ZFHX3: variants seen among roughly 807,000 people sequenced by gnomAD.
The protein encoded by ZFHX3 is zinc finger homeobox 3.
ZFHX3 carries 42 observed loss-of-function variants against 279.1 expected under a neutral mutation model. The observed-to-expected ratio is 0.15, with a 90% CI of 0.12 to 0.19. The LOEUF (loss-of-function observed/expected upper bound fraction) is 0.19. Ranked by LOEUF, ZFHX3 falls within the 10% of genes least tolerant of loss-of-function variation. The pLI, the probability that ZFHX3 is intolerant of heterozygous loss-of-function variation, is 1.00. For synonymous variants in ZFHX3, 2,293 were observed against 1,957.8 expected, an observed-to-expected ratio of 1.17 and a Z score of -4.52; for missense variants, 4,981 against 4,754.0, an observed-to-expected ratio of 1.05 and a Z score of -1.40.
intron 2 of ZFHX3, among the ~76,000 whole-genome samples, chr16:73,501,527 G>C (rs2019238597): frequency 6.6e-6 from 1 of 152,040 alleles, no homozygotes; most frequent in Admixed American, 6.6e-5. Flanking sequence ...ATGATTTATG[G>C]GTCACCGTCA....
At position 73,684,324 on chromosome 16, in the gene ZFHX3, ATGTG is replaced by A. The variant is rs1023268876; in HGVS notation, c.-1607-4088_-1607-4085del. 2.7e-5 allele frequency among the ~76,000 whole-genome samples: 4 copies of A among 149,888 alleles called. No individual in the cohort carries two copies. In the South Asian group the frequency reaches 8.5e-4, roughly 32 times the overall value. ...TACTTTGATTATATTTTGATATGGC[ATGTG>A]TGTGTGTTTGTGTGTGTGTGTGTGT... On this transcript the variant is annotated intron_variant, in intron 1 of 17. Coordinates refer to the ZFHX3 transcript ENST00000641206.
intron 8 of ZFHX3, among the ~76,000 whole-genome samples, chr16:73,064,913 G>C (rs1256087358): frequency 6.6e-6 from 1 of 152,232 alleles, no homozygotes; most frequent in South Asian, 2.1e-4. Context: ...TGACCTGGTA[G>C]GTACTAGAAG....
intron 1 of ZFHX3, among the ~76,000 whole-genome samples, chr16:73,002,823 T>C (rs187211554): frequency 4.3e-4 from 65 of 152,316 alleles, no homozygotes; most frequent in African/African-American, 1.4e-3. Flanking sequence ...TTTAAGTGAT[T>C]CTACATTTTT....
At chr16:73,253,260 G>A (rs1326042949) in intron 5 of ZFHX3, among the ~76,000 whole-genome samples, 1 of 152,150 alleles carries the variant, frequency 6.6e-6, no homozygotes, top group African/African-American at 2.4e-5. Flanking sequence ...GAGTTCATGA[G>A]GGAAGGCTAC....
intron 5 of ZFHX3, among the ~76,000 whole-genome samples, chr16:73,223,189 G>C (rs931559427): frequency 2.0e-5 from 3 of 152,004 alleles, no homozygotes; most frequent in African/African-American, 7.2e-5. Context: ...AACCCCAAAA[G>C]CATGGTCCAT....
chr16:73,732,649 C>T (rs1352118995), intron 1 of ZFHX3, among the ~76,000 whole-genome samples: 1 of 152,236 alleles, frequency 6.6e-6, no homozygotes, highest in African/African-American at 2.4e-5. Flanking sequence ...ACAGAATTCA[C>T]AGTTAAATCT....
chr16:73,297,259 T>C (rs1162483597), intron 4 of ZFHX3, among the ~76,000 whole-genome samples: 1 of 151,924 alleles, frequency 6.6e-6, no homozygotes, highest in African/African-American at 2.4e-5. Flanking sequence ...GTTGCCAAGC[T>C]CGCAAGTGGT....
chr16:72,971,091 C>T (rs189688648), intron 1 of ZFHX3, among the ~76,000 whole-genome samples: 2 of 152,272 alleles, frequency 1.3e-5, no homozygotes, highest in East Asian at 1.9e-4. Flanking sequence ...CCTCGGATCA[C>T]GCTGCTGTTT....
rs139699461 is a variant in ZFHX3, at chr16:73,220,354, G to A, written c.-1104+36693C>T. 1.9e-3 allele frequency among the ~76,000 whole-genome samples: 294 copies of A among 151,894 alleles called. 2 individuals are homozygous for A. Among genetic ancestry groups the A allele is most frequent in the African/African-American group, 6.6e-3 (275 of 41,404 alleles). ...AACCCCTGAATCTAAAATAAAAGTTGAAATTATTAAACAATAAAATAAAAT... is the reference window on the plus strand; with the variant it reads ...AACCCCTGAATCTAAAATAAAAGTTAAAATTATTAAACAATAAAATAAAAT... On this transcript the variant is annotated intron_variant, in intron 5 of 17. Transcript: ENST00000641206.
chr16:73,844,819 C>G (rs187821016), intron 1 of ZFHX3, among the ~76,000 whole-genome samples: 1 of 150,862 alleles, frequency 6.6e-6, no homozygotes, highest in African/African-American at 2.4e-5. Flanking sequence ...AATGGGTAGA[C>G]AGATGGTAGA....
intron 2 of ZFHX3, among the ~76,000 whole-genome samples, chr16:73,527,020 G>A (rs1187960544): frequency 6.6e-6 from 1 of 151,928 alleles, no homozygotes; most frequent in Non-Finnish European, 1.5e-5. Flanking sequence ...TTGAGAATGG[G>A]GTTTCACTTC....
intron 3 of ZFHX3, among the ~76,000 whole-genome samples, chr16:72,933,411 T>C (rs1310635952): frequency 6.6e-6 from 1 of 152,100 alleles, no homozygotes; most frequent in African/African-American, 2.4e-5. Flanking sequence ...AGAGAACATT[T>C]CACCATTAGG....
Position 72,787,738 on chromosome 16 carries a change from C to T in ZFHX3, c.10538G>A (p.Ser3513Asn), listed in dbSNP as rs942138272. The T allele has an allele frequency of 3.7e-5, 52 of 1,398,238 alleles. 1 individual carries two copies. Among genetic ancestry groups the T allele is most frequent in the Non-Finnish European group, 4.2e-5 (45 of 1,071,624 alleles). 86.6% of individuals were successfully genotyped at this position (1,398,238 alleles called of 1,614,324 possible). The stretch of plus-strand genomic sequence containing the variant: ...GCCGCCACCGCCGCCGCCGCCGCCA[C>T]TGCCACCGCCGCCGCCGCCGGTGGG... ...HVPTGGGGGGSGGGGGGGGGG... is the reference protein window; with the variant it reads ...HVPTGGGGGGNGGGGGGGGGG... Residue 3513 changes from serine (S) to asparagine (N), a missense_variant, in exon 10 of 10, where the codon AGT (serine) becomes AAT (asparagine). Physicochemically the swap from Ser to Asn is conservative, Grantham distance 46 (BLOSUM62 1). Transcript: ENST00000268489.
intron 1 of ZFHX3, among the ~76,000 whole-genome samples, chr16:73,685,062 T>C (rs2053067332): frequency 1.3e-5 from 2 of 149,630 alleles, no homozygotes; most frequent in Non-Finnish European, 3.0e-5. Context: ...GTCGCCAGGC[T>C]GGAGTCCAGT....
chr16:72,982,130 G>A (rs911079023), intron 1 of ZFHX3, among the ~76,000 whole-genome samples: 12 of 152,050 alleles, frequency 7.9e-5, no homozygotes, highest in South Asian at 4.1e-4. Context: ...TGATCTGCCC[G>A]CCTTGGCCTC....
chr16:73,086,580 T>G (rs2144771835), intron 8 of ZFHX3, among the ~76,000 whole-genome samples: 1 of 152,246 alleles, frequency 6.6e-6, no homozygotes, highest in African/African-American at 2.4e-5. Context: ...GAAAATGGAC[T>G]ATCGTTAGCA....
chr16:72,974,942 G>C (rs1962286073), intron 1 of ZFHX3, among the ~76,000 whole-genome samples: 1 of 152,132 alleles, frequency 6.6e-6, no homozygotes, highest in South Asian at 2.1e-4. Context: ...TAGACTGAAG[G>C]CTTGAGAGGT....
At chr16:73,269,285 T>A (rs1021000354) in intron 4 of ZFHX3, among the ~76,000 whole-genome samples, 2 of 152,210 alleles carry the variant, frequency 1.3e-5, no homozygotes, top group African/African-American at 4.8e-5. Flanking sequence ...ATTGGATGGT[T>A]CTTTTGTCCC....
chr16:73,259,649 T>G (rs1042016041), intron 4 of ZFHX3, among the ~76,000 whole-genome samples: 2 of 152,214 alleles, frequency 1.3e-5, no homozygotes, highest in African/African-American at 4.8e-5. Flanking sequence ...AAATTTCAAA[T>G]GCACATGTAT....
Sources: allele counts gnomAD v4.1 joint callset (sites outside exome capture counted in the v4.1 genomes callset), GRCh38; gene constraint gnomAD v4.1.1; transcripts MANE v1.5; gene names NCBI Gene and HGNC (gene_info 2026-07-23, HGNC 2026-07-21).